The following CLCN4 variants were observed in gnomAD, a reference collection of about 807,000 sequenced individuals.
CLCN4 encodes the protein Cl-/H+ antiporter 4.
A neutral mutation model predicts 41.7 loss-of-function variants in CLCN4; 1 was observed. The observed-to-expected ratio is 0.02, with a 90% CI of 0.01 to 0.11. CLCN4 has a LOEUF of 0.11. Among genes scored for constraint, CLCN4 ranks in the 10% least tolerant of loss-of-function variants. The pLI, the probability that CLCN4 is intolerant of heterozygous loss-of-function variation, is 1.00. For missense variants in CLCN4, 287 were observed against 661.0 expected (o/e 0.43, Z 6.20); for synonymous variants, 277 against 285.8 (o/e 0.97, Z 0.31).
intron 2 of CLCN4, among the ~76,000 whole-genome samples, chrX:10,162,968 T>C (rs1354331700): frequency 3.5e-5 from 4 of 113,099 alleles, no homozygotes; most frequent in African/African-American, 1.3e-4. Flanking sequence ...TTCTTCTGGA[T>C]GATGTTCTGT....
chrX:10,185,028 T>A lies in CLCN4; in HGVS notation c.-5T>A. 1 of 1,196,374 alleles carries A rather than the reference T, an allele frequency of 8.4e-7. No homozygotes were observed. Among genetic ancestry groups the A allele is most frequent in the Non-Finnish European group, 1.1e-6 (1 of 885,759 alleles). ...GACCGGTTTTCTTGCCCAGGTGTAA[T>A]TAGCATGGTCAATGCGGGAGCGATG... On this transcript the variant is annotated 5_prime_UTR_variant, in exon 3 of 13. Transcript: ENST00000380833.
chrX:10,187,086 T>C (rs1477199267), intron 3 of CLCN4, among the ~76,000 whole-genome samples: 2 of 112,077 alleles, frequency 1.8e-5, no homozygotes. Context: ...TGCTAAAATT[T>C]AACCTTGAAA....
At chrX:10,214,166 A>C in intron 11 of CLCN4, 87 bp downstream of exon 11, 1 of 971,077 alleles carries the variant, frequency 1.0e-6, no homozygotes, top group Non-Finnish European at 1.4e-6. Context: ...TTTTGAGGTG[A>C]TGTGCATTAA....
chrX:10,232,325 A>G (rs982595396), intron 12 of CLCN4, among the ~76,000 whole-genome samples: 1 of 112,579 alleles, frequency 8.9e-6, no homozygotes, highest in Admixed American at 9.4e-5. Context: ...TCCCTTCTTC[A>G]TATTCACTAA....
intron 1 of CLCN4, among the ~76,000 whole-genome samples, chrX:10,157,973 G>A (rs778763170): frequency 1.9e-4 from 21 of 112,458 alleles, no homozygotes; most frequent in Non-Finnish European, 2.1e-4. Flanking sequence ...ATTCATCCGT[G>A]CAATTAGTAT....
intron 12 of CLCN4, among the ~76,000 whole-genome samples, chrX:10,226,065 C>G (rs1208708487): frequency 1.8e-5 from 2 of 111,192 alleles, no homozygotes; most frequent in African/African-American, 3.3e-5. Context: ...ATGGACTCTC[C>G]ACCTCAAAAC....
chrX:10,205,330 G>A (rs1283709368), intron 6 of CLCN4, among the ~76,000 whole-genome samples: 1 of 109,284 alleles, frequency 9.2e-6, no homozygotes, highest in Non-Finnish European at 1.9e-5. Context: ...AAAATTAGCC[G>A]GGCATGATGG....
At chrX:10,232,032 G>T (rs1484403873) in intron 12 of CLCN4, among the ~76,000 whole-genome samples, 1 of 111,839 alleles carries the variant, frequency 8.9e-6, no homozygotes, top group Non-Finnish European at 1.9e-5. Context: ...TAATGTTTTT[G>T]TAATTCATAT....
At chrX:10,185,362 C>T (rs921995389) in intron 3 of CLCN4, among the ~76,000 whole-genome samples, 186 bp downstream of exon 3, 9 of 111,388 alleles carry the variant, frequency 8.1e-5, no homozygotes, top group African/African-American at 2.3e-4. Flanking sequence ...TTGGGCAGGA[C>T]GTTGTGTCAT....
At chrX:10,207,100 A>G (rs746839799) in intron 8 of CLCN4, among the ~76,000 whole-genome samples, 1 of 110,350 alleles carries the variant, frequency 9.1e-6, no homozygotes, top group Non-Finnish European at 1.9e-5. Flanking sequence ...TTGTGTTTTT[A>G]GTAGAGATGG....
intron 6 of CLCN4, among the ~76,000 whole-genome samples, chrX:10,200,589 A>G (rs1924215085): frequency 8.9e-6 from 1 of 112,410 alleles, no homozygotes; most frequent in African/African-American, 3.2e-5. Flanking sequence ...TATCAGTTCT[A>G]TCTTTGAAGG....
intron 12 of CLCN4, among the ~76,000 whole-genome samples, chrX:10,226,100 G>A (rs931693856): frequency 2.7e-5 from 3 of 111,090 alleles, no homozygotes; most frequent in African/African-American, 6.6e-5. Context: ...TCTTCTTGGC[G>A]CCACATGACA....
At chrX:10,205,516 ATGTTCT>A (rs761556199) in intron 6 of CLCN4, among the ~76,000 whole-genome samples, 79 of 104,892 alleles carry the variant, frequency 7.5e-4, no homozygotes, top group Admixed American at 5.0e-3. Context: ...TGGTCAGGTG[ATGTTCT>A]TGTTCTTGTA....
chrX:10,208,233 G>C lies in CLCN4; in HGVS notation c.1032G>C (p.Leu344Phe). 8.3e-7 allele frequency: 1 copy of C among 1,211,501 alleles called. No individual in the cohort carries two copies. The highest frequency in any genetic ancestry group is 1.1e-6 in the Non-Finnish European group (1 of 895,497). ...PFILLGVFGG[L>F]WGTLFIRCNI... ...TCCTGCTTGGGGTCTTCGGGGGCTTGTGGGGAACCCTCTTCATCCGCTGCA... is the reference window on the plus strand; with the variant it reads ...TCCTGCTTGGGGTCTTCGGGGGCTTCTGGGGAACCCTCTTCATCCGCTGCA... Residue 344 changes from leucine (L) to phenylalanine (F), a missense_variant, in exon 9 of 13, where the codon TTG (leucine) becomes TTC (phenylalanine). Around this residue, in one of 6 missense-constraint regions of CLCN4, gnomAD observed 94 missense variants for 177.9 expected, o/e 0.53. Coordinates refer to ENST00000380833, the MANE Select transcript of CLCN4 (RefSeq NM_001830.4).
At chrX:10,167,702 C>T (rs73482869) in intron 2 of CLCN4, among the ~76,000 whole-genome samples, 2,282 of 112,653 alleles carry the variant, frequency 0.02, 41 homozygotes, top group Middle Eastern at 0.055. Flanking sequence ...AGGGAGCCCC[C>T]GTCCAACTTT....
chrX:10,224,146 C>T (rs1312253459), intron 12 of CLCN4, among the ~76,000 whole-genome samples: 1 of 111,225 alleles, frequency 9.0e-6, no homozygotes, highest in African/African-American at 3.3e-5. Context: ...TTCCCTAGTG[C>T]TGTTATAATC....
intron 8 of CLCN4, among the ~76,000 whole-genome samples, 153 bp downstream of exon 8, chrX:10,206,929 G>GT (rs1555976210): frequency 2.8e-5 from 3 of 108,739 alleles, no homozygotes; most frequent in South Asian, 4.0e-4. Flanking sequence ...TTTTGTTTTT[G>GT]TTTTTTTTGA....
chrX:10,228,449 G>A (rs969040159), intron 12 of CLCN4, among the ~76,000 whole-genome samples: 2 of 110,792 alleles, frequency 1.8e-5, no homozygotes, highest in African/African-American at 6.6e-5. Context: ...AATCCCCTCC[G>A]TACAGCACCC....
intron 2 of CLCN4, among the ~76,000 whole-genome samples, chrX:10,172,710 G>T (rs1923414984): frequency 9.1e-6 from 1 of 110,232 alleles, no homozygotes; most frequent in Non-Finnish European, 1.9e-5. Flanking sequence ...TGAGCATTGT[G>T]GGGGCAGAAA....
Sources: gnomAD v4.1 joint callset for allele counts (sites outside exome capture counted in the v4.1 genomes callset) on GRCh38, gnomAD v4.1.1 for gene constraint, gnomAD v4.1.1 regional missense constraint, MANE v1.5 for transcripts, NCBI Gene and HGNC (gene_info 2026-07-23, HGNC 2026-07-21) for gene names.